Variants in ATM observed in about 807,000 individuals in gnomAD.
ATM encodes the protein ATM serine/threonine kinase, also known as serine-protein kinase ATM.
A neutral mutation model predicts 387.0 loss-of-function variants in ATM; 308 were observed. The ratio of observed to expected loss-of-function variants is 0.80; its 90% confidence interval spans 0.73 to 0.87. The LOEUF (loss-of-function observed/expected upper bound fraction) is 0.87. ATM is among the 40% of genes least tolerant of loss of function. ATM has a pLI of 0.00. For synonymous variants in ATM, 1,156 were observed against 1,187.3 expected (o/e 0.97, Z 0.54); for missense variants, 3,312 against 3,560.9 (o/e 0.93, Z 1.78).
intron 59 of ATM, among the ~76,000 whole-genome samples, chr11:108,348,384 GAA>G (rs1446822838): frequency 6.7e-6 from 1 of 149,316 alleles, no homozygotes; most frequent in Non-Finnish European, 1.5e-5. Flanking sequence ...ATATAAGAAA[GAA>G]AGAATATGTA....
chr11:108,337,810 T>C (rs891540806), intron 56 of ATM, among the ~76,000 whole-genome samples: 2 of 152,200 alleles, frequency 1.3e-5, no homozygotes, highest in African/African-American at 2.4e-5. Flanking sequence ...ACAAAGATAA[T>C]AGGTGAAGAA....
At chr11:108,361,825 G>A (rs1304042728) in intron 61 of ATM, among the ~76,000 whole-genome samples, 1 of 152,062 alleles carries the variant, frequency 6.6e-6, no homozygotes, top group Non-Finnish European at 1.5e-5. Flanking sequence ...TTAAACGTTA[G>A]ACCTAATACC....
intron 26 of ATM, 178 bp from the exon 27 acceptor site, chr11:108,287,422 C>G (rs549315334): frequency 4.3e-6 from 2 of 470,464 alleles, no homozygotes; most frequent in African/African-American, 2.0e-5. Flanking sequence ...TACAGGTTGG[C>G]TGCATAGAAG....
rs2091335672 is a variant in ATM, at chr11:108,366,441, A to T, written c.*933A>T. The T allele has an allele frequency of 4.5e-6, 1 of 221,700 alleles. No individual in the cohort carries two copies. Among genetic ancestry groups the T allele is most frequent in the Non-Finnish European group, 9.0e-6 (1 of 111,028 alleles). The allele number at this position is 221,700 out of a possible 1,614,324, so 13.7% of individuals were successfully genotyped here. A position where few individuals can be genotyped will look rare whatever the true frequency, so the allele number is the denominator to read the frequency against. The stretch of plus-strand genomic sequence containing the variant: ...GTCACTAATTATTTTAAATGTCTGT[A>T]CTTGATAGACACTGTAATAGTTCTA... On this transcript the variant is annotated 3_prime_UTR_variant, in exon 63 of 63. Transcript: ENST00000675843.
chr11:108,263,194 A>C (rs56128575), intron 16 of ATM, among the ~76,000 whole-genome samples: 7 of 141,432 alleles, frequency 4.9e-5, no homozygotes, highest in African/African-American at 1.8e-4. Context: ...TTTTTTCAGC[A>C]CCACACCACA....
chr11:108,319,590 T>C (rs529392563), intron 43 of ATM, among the ~76,000 whole-genome samples: 11 of 152,226 alleles, frequency 7.2e-5, no homozygotes, highest in African/African-American at 2.7e-4. Flanking sequence ...CCAATACTTA[T>C]TTATTGTCTG....
chr11:108,266,415 C>G (rs1396728906), intron 16 of ATM, among the ~76,000 whole-genome samples: 1 of 147,020 alleles, frequency 6.8e-6, no homozygotes, highest in Non-Finnish European at 1.5e-5. Context: ...TGTTCTCACT[C>G]ATAGGTGGGA....
Position 108,366,040 on chromosome 11 carries a change from A to C in ATM, c.*532A>C, listed in dbSNP as rs2091307959. 5.7e-6 allele frequency: 1 copy of C among 174,152 alleles called. No homozygotes were observed. The highest frequency in any genetic ancestry group is 2.4e-5 in the African/African-American group (1 of 42,278). The allele number at this position is 174,152 out of a possible 1,614,324, so 10.8% of individuals were successfully genotyped here. A position where few individuals can be genotyped will look rare whatever the true frequency, so the allele number is the denominator to read the frequency against. ...GCGAAACTCCATCTCAAAAAAAAAA[A>C]AAAAAAAACAGAAACGTATTTGGAT... On this transcript the variant is annotated 3_prime_UTR_variant, in exon 63 of 63. Transcript: ENST00000675843.
At chr11:108,297,147 T>G (rs2083166084) in intron 32 of ATM, 140 bp from the exon 33 acceptor site, 1 of 652,846 alleles carries the variant, frequency 1.5e-6, no homozygotes, top group Non-Finnish European at 2.6e-6. Flanking sequence ...CCCTACATAT[T>G]TTTTGAGCTA....
chr11:108,312,111 T>C (rs2084213628), intron 39 of ATM, among the ~76,000 whole-genome samples: 1 of 152,194 alleles, frequency 6.6e-6, no homozygotes, highest in Non-Finnish European at 1.5e-5. Context: ...ACTGACAGAG[T>C]ATATAGTACC....
At chr11:108,352,322 A>G (rs920128481) in intron 59 of ATM, among the ~76,000 whole-genome samples, 1 of 152,252 alleles carries the variant, frequency 6.6e-6, no homozygotes, top group Non-Finnish European at 1.5e-5. Context: ...TAGTCTCAGT[A>G]TAGAAGTAGA....
chr11:108,247,110 G>A lies in ATM; in HGVS notation c.1048G>A (p.Ala350Thr), dbSNP rs371713984. The A allele has an allele frequency of 6.2e-6, 10 of 1,613,702 alleles. No individual in the cohort carries two copies. The highest frequency in any genetic ancestry group is 3.3e-5 in the South Asian group (3 of 91,052). ...AVKENLIELMADICHQVFNED... is the reference protein window; with the variant it reads ...AVKENLIELMTDICHQVFNED... ...CAAAGAAAATTTGATTGAATTGATG[G>A]CAGATATCTGTCACCAGGTACAGTA... Residue 350 changes from alanine (A) to threonine (T), a missense_variant, in exon 8 of 63, where the codon GCA (alanine) becomes ACA (threonine). Around this residue, in one of 4 missense-constraint regions of ATM, gnomAD observed 1,791 missense variants for 1,804.5 expected, o/e 0.99. Coordinates refer to ENST00000675843, the MANE Select transcript of ATM (RefSeq NM_000051.4).
chr11:108,329,134 T>C lies in ATM; in HGVS notation c.7203T>C (p.Ile2401=). 1.2e-6 allele frequency: 2 copies of C among 1,614,120 alleles called. No homozygotes were observed. Among genetic ancestry groups the C allele is most frequent in the Non-Finnish European group, 1.7e-6 (2 of 1,180,002 alleles). ...TTTCAGATACTCAATACCAAAGAAT[T>C]GAAAACTACATGAAATCATCGGAAT... The part of the protein sequence containing the change: ...ARFSDTQYQR[I]ENYMKSSEFE... Residue 2401 remains isoleucine, a synonymous_variant, in exon 49 of 63, where the codon ATT becomes ATC. Coordinates refer to ENST00000675843, the MANE Select transcript of ATM (RefSeq NM_000051.4).
chr11:108,361,337 A>G (rs2090722732), intron 61 of ATM, among the ~76,000 whole-genome samples: 1 of 149,134 alleles, frequency 6.7e-6, no homozygotes, highest in Non-Finnish European at 1.5e-5. Flanking sequence ...GCTCATGGGT[A>G]GGAAGAATCA....
chr11:108,224,111 A>C (rs1019442814), intron 1 of ATM: 6 of 152,232 alleles, frequency 3.9e-5, no homozygotes, highest in Non-Finnish European at 5.9e-5. Context: ...AAGCATGTAT[A>C]TGGGTCCTTA....
At chr11:108,295,303 A>G (rs1277859192) in intron 32 of ATM, 1 of 420,588 alleles carries the variant, frequency 2.4e-6, no homozygotes, top group South Asian at 3.0e-5. Flanking sequence ...ATGTTTTTCT[A>G]CTGCCTAAAT....
At chr11:108,249,214 A>G (rs2135298598) in intron 9 of ATM, 112 bp downstream of exon 9, 2 of 1,213,202 alleles carry the variant, frequency 1.6e-6, no homozygotes, top group East Asian at 4.8e-5. Context: ...TCATTTGTCT[A>G]CCCCCAAACC....
intron 4 of ATM, among the ~76,000 whole-genome samples, chr11:108,234,944 T>C (rs539535588): frequency 5.6e-4 from 86 of 152,314 alleles, no homozygotes; most frequent in Middle Eastern, 3.4e-3. Context: ...TGTAATCTTA[T>C]GTTATTCTAA....
chr11:108,315,260 G>C (rs1047299941), intron 40 of ATM, among the ~76,000 whole-genome samples: 14 of 152,162 alleles, frequency 9.2e-5, no homozygotes, highest in Non-Finnish European at 1.9e-4. Context: ...TATTACAATA[G>C]TACAATATGT....
Sources: allele counts gnomAD v4.1 joint callset (sites outside exome capture counted in the v4.1 genomes callset), GRCh38; gene constraint gnomAD v4.1.1; regional missense constraint gnomAD v4.1.1; transcripts MANE v1.5; gene names NCBI Gene and HGNC (gene_info 2026-07-23, HGNC 2026-07-21).